Variants in ANAPC1 observed in about 807,000 individuals in gnomAD.
ANAPC1 encodes the protein anaphase promoting complex subunit 1.
In ANAPC1, 36 loss-of-function variants were observed where a neutral mutation model predicts 208.0. That is an observed-to-expected ratio of 0.17 (90% CI 0.13 to 0.23). The LOEUF (loss-of-function observed/expected upper bound fraction) is 0.23. Ranked by LOEUF, ANAPC1 falls within the 10% of genes least tolerant of loss-of-function variation. The pLI is 1.00. For synonymous variants in ANAPC1, 378 were observed against 695.2 expected, an observed-to-expected ratio of 0.54 and a Z score of 7.18; for missense variants, 942 against 2,011.6, an observed-to-expected ratio of 0.47 and a Z score of 10.17.
intron 3 of ANAPC1, among the ~76,000 whole-genome samples, chr2:111,874,416 T>C (rs1682918363): frequency 6.6e-6 from 1 of 152,134 alleles, no homozygotes; most frequent in Non-Finnish European, 1.5e-5. Context: ...TCCGTGCCCA[T>C]TAAACAATAC....
At chr2:111,845,009 C>T (rs1356337914) in intron 16 of ANAPC1, among the ~76,000 whole-genome samples, 4 of 152,128 alleles carry the variant, frequency 2.6e-5, no homozygotes, top group Non-Finnish European at 5.9e-5. Flanking sequence ...GCATGCCTGG[C>T]TAATTTTATT....
chr2:111,841,434 G>C (rs560690302), intron 17 of ANAPC1, among the ~76,000 whole-genome samples: 1 of 127,918 alleles, frequency 7.8e-6, no homozygotes, highest in African/African-American at 2.7e-5. Flanking sequence ...AGACAGGACA[G>C]GCAGCACTGA....
chr2:111,869,641 T>C (rs541904262), intron 6 of ANAPC1, among the ~76,000 whole-genome samples: 190 of 152,316 alleles, frequency 1.2e-3, no homozygotes, highest in Non-Finnish European at 2.0e-3. Flanking sequence ...AGTTCATGAG[T>C]GTACATACAG....
At chr2:111,838,181 G>A (rs1051746738) in intron 18 of ANAPC1, among the ~76,000 whole-genome samples, 1 of 151,952 alleles carries the variant, frequency 6.6e-6, no homozygotes, top group African/African-American at 2.4e-5. Flanking sequence ...CATTTCAGGT[G>A]ATCAGTTGAT....
At chr2:111,818,750 AT>A in intron 27 of ANAPC1, 89 bp downstream of exon 27, 1 of 530,310 alleles carries the variant, frequency 1.9e-6, no homozygotes, top group Non-Finnish European at 3.4e-6. Flanking sequence ...TAGAGGGAGC[AT>A]TTCTTTTGTT....
chr2:111,823,942 C>G (rs534632580), intron 24 of ANAPC1, among the ~76,000 whole-genome samples: 2 of 145,438 alleles, frequency 1.4e-5, no homozygotes, highest in East Asian at 2.0e-4. Flanking sequence ...ATTCTCTAAA[C>G]TAAACATATA....
At chr2:111,877,676 C>T (rs1683090743) in intron 3 of ANAPC1, among the ~76,000 whole-genome samples, 1 of 151,930 alleles carries the variant, frequency 6.6e-6, no homozygotes, top group African/African-American at 2.4e-5. Flanking sequence ...CCCAGCTACT[C>T]GGGAGGGTGA....
chr2:111,825,465 G>A (rs909828220), intron 22 of ANAPC1, among the ~76,000 whole-genome samples: 8 of 152,224 alleles, frequency 5.3e-5, no homozygotes, highest in Admixed American at 4.6e-4. Context: ...TCTGCATTTG[G>A]CTGAAAAGAA....
intron 3 of ANAPC1, among the ~76,000 whole-genome samples, chr2:111,875,933 G>A (rs1293834397): frequency 1.3e-5 from 2 of 152,112 alleles, no homozygotes; most frequent in African/African-American, 4.8e-5. Context: ...TCAGTCCTTT[G>A]GGCTCTCATC....
intron 17 of ANAPC1, among the ~76,000 whole-genome samples, chr2:111,840,364 T>G (rs1465730560): frequency 6.6e-6 from 1 of 152,198 alleles, no homozygotes; most frequent in Non-Finnish European, 1.5e-5. Context: ...GGACAAAAGA[T>G]AACAAGGGTT....
chr2:111,856,385 G>A, intron 13 of ANAPC1: 2 of 499,408 alleles, frequency 4.0e-6, no homozygotes, highest in East Asian at 7.0e-5. Context: ...TTTCCCATCT[G>A]TGACAGGTTT....
intron 20 of ANAPC1, among the ~76,000 whole-genome samples, chr2:111,831,822 G>A (rs1211249833): frequency 4.7e-5 from 2 of 42,206 alleles, no homozygotes; most frequent in Non-Finnish European, 9.5e-5. Flanking sequence ...GCGAGACTCT[G>A]TCTCAAAAAA....
chr2:111,872,709 C>A lies in ANAPC1; in HGVS notation c.532G>T (p.Ala178Ser). The A allele has an allele frequency of 6.2e-7, 1 of 1,612,138 alleles. No individual in the cohort carries two copies. Among genetic ancestry groups the A allele is most frequent in the Non-Finnish European group, 8.5e-7 (1 of 1,178,354 alleles). Residue 178 changes from alanine to serine, a missense_variant, in exon 6 of 48, where the codon GCA becomes TCA. Coordinates refer to ENST00000341068, the MANE Select transcript of ANAPC1 (RefSeq NM_022662.4). ...DYIASLPFQV[A>S]NVWPTKYGLL... ...CCATATTTAGTGGGCCAAACATTTG[C>A]AACCTTTCAGGTAAAAGGGTGGGAA...
chr2:111,872,741 G>GT (rs1558742584), intron 5 of ANAPC1, 29 bp from the exon 6 acceptor site: 1 of 1,444,384 alleles, frequency 6.9e-7, no homozygotes, highest in East Asian at 2.3e-5. Context: ...GGAAAAGATA[G>GT]AAGTAAGAGA....
chr2:111,829,522 C>T (rs7580454), intron 21 of ANAPC1, among the ~76,000 whole-genome samples: 41,481 of 152,028 alleles, frequency 0.27, 5,964 homozygotes, highest in South Asian at 0.41. Context: ...GAGCAGGCTG[C>T]TCCAGGATGG....
chr2:111,862,831 C>T (rs1050011484), intron 9 of ANAPC1, among the ~76,000 whole-genome samples: 10 of 152,162 alleles, frequency 6.6e-5, no homozygotes, highest in African/African-American at 2.4e-4. Context: ...TCTTTTACAA[C>T]TAAAACTTAG....
At chr2:111,869,874 C>T (rs533306572) in intron 6 of ANAPC1, among the ~76,000 whole-genome samples, 3 of 152,268 alleles carry the variant, frequency 2.0e-5, no homozygotes, top group Non-Finnish European at 2.9e-5. Flanking sequence ...TTCCCACCCT[C>T]CTCCTTCTGA....
At chr2:111,789,350 T>A (rs1677750045) in intron 38 of ANAPC1, among the ~76,000 whole-genome samples, 1 of 149,728 alleles carries the variant, frequency 6.7e-6, no homozygotes, top group Non-Finnish European at 1.5e-5. Context: ...AGTCCCAGAG[T>A]TTTTCTAAAA....
chr2:111,878,566 C>T (rs1259856391), intron 3 of ANAPC1, among the ~76,000 whole-genome samples: 1 of 152,002 alleles, frequency 6.6e-6, no homozygotes, highest in Non-Finnish European at 1.5e-5. Flanking sequence ...TACATAAGGA[C>T]AGAGTGTTTA....
Sources: gnomAD v4.1 joint callset for allele counts (sites outside exome capture counted in the v4.1 genomes callset) on GRCh38, gnomAD v4.1.1 for gene constraint, MANE v1.5 for transcripts, NCBI Gene and HGNC (gene_info 2026-07-23, HGNC 2026-07-21) for gene names.